The following ITPR2 variants were observed in gnomAD, a reference collection of about 807,000 sequenced individuals.
ITPR2 encodes the protein inositol 1,4,5-trisphosphate receptor type 2, also known as inositol 1,4,5-trisphosphate-gated calcium channel ITPR2.
In ITPR2, 207 loss-of-function variants were observed where a neutral mutation model predicts 317.1. The observed-to-expected ratio is 0.65, with a 90% CI of 0.58 to 0.73. ITPR2 has a LOEUF of 0.73. Ranked by LOEUF, ITPR2 falls within the 30% of genes least tolerant of loss-of-function variation. The probability of loss-of-function intolerance (pLI) is 0.00; values close to 1 mark genes in which losing one functional copy is unlikely to be tolerated. For synonymous variants in ITPR2, 1,156 were observed against 1,149.1 expected (o/e 1.01, Z -0.12); for missense variants, 2,613 against 3,284.0 (o/e 0.80, Z 4.99).
chr12:26,370,979 G>A (rs1245347264), intron 55 of ITPR2, among the ~76,000 whole-genome samples: 5 of 152,138 alleles, frequency 3.3e-5, no homozygotes, highest in Non-Finnish European at 7.4e-5. Context: ...GGCCAAACAC[G>A]AGTCTTATGT....
chr12:26,800,629 G>C (rs1950540517), intron 1 of ITPR2, among the ~76,000 whole-genome samples: 1 of 152,086 alleles, frequency 6.6e-6, no homozygotes, highest in Admixed American at 6.5e-5. Context: ...ATTTAGTAAA[G>C]AATTCCTAGG....
chr12:26,401,053 A>G (rs1796025432), intron 52 of ITPR2, among the ~76,000 whole-genome samples: 1 of 144,036 alleles, frequency 6.9e-6, no homozygotes, highest in African/African-American at 2.5e-5. Flanking sequence ...AACATGGAGA[A>G]ACCCTATCTC....
intron 55 of ITPR2, among the ~76,000 whole-genome samples, chr12:26,386,167 A>T (rs1939658825): frequency 6.6e-6 from 1 of 152,196 alleles, no homozygotes; most frequent in Non-Finnish European, 1.5e-5. Context: ...CACAAGTGAG[A>T]TCAAGAAAGT....
At chr12:26,406,865 T>C (rs1297217872) in intron 52 of ITPR2, among the ~76,000 whole-genome samples, 1 of 152,190 alleles carries the variant, frequency 6.6e-6, no homozygotes, top group East Asian at 1.9e-4. Context: ...ATTTTATCAC[T>C]TACAATGTCA....
intron 2 of ITPR2, among the ~76,000 whole-genome samples, chr12:26,786,742 C>T (rs137882020): frequency 1.2e-3 from 184 of 152,300 alleles, no homozygotes; most frequent in African/African-American, 4.0e-3. Context: ...TTTTAATTGC[C>T]TACCCGCTCT....
intron 1 of ITPR2, among the ~76,000 whole-genome samples, chr12:26,801,487 T>C (rs1270475785): frequency 1.3e-5 from 2 of 152,214 alleles, no homozygotes; most frequent in Admixed American, 1.3e-4. Context: ...ACCAAGATGC[T>C]GACCATACCA....
At chr12:26,622,140 C>T (rs1428160749) in intron 25 of ITPR2, 100 bp downstream of exon 25, 2 of 1,032,822 alleles carry the variant, frequency 1.9e-6, no homozygotes, top group Non-Finnish European at 2.7e-6. Flanking sequence ...CAGGAAAAGC[C>T]ACACAGTGTC....
At chr12:26,487,427 ATAGT>A (rs1436530045) in intron 39 of ITPR2, among the ~76,000 whole-genome samples, 176 bp from the exon 40 acceptor site, 2 of 152,332 alleles carry the variant, frequency 1.3e-5, no homozygotes, top group African/African-American at 4.8e-5. Flanking sequence ...TGTACTAATA[ATAGT>A]TGGTATTTAC....
At chr12:26,498,362 G>A (rs561015482) in intron 37 of ITPR2, among the ~76,000 whole-genome samples, 1 of 152,254 alleles carries the variant, frequency 6.6e-6, no homozygotes, top group South Asian at 2.1e-4. Context: ...TTAAGAGAAA[G>A]TCCTTTGAGT....
At chr12:26,651,445 T>C (rs1441781108) in intron 21 of ITPR2, among the ~76,000 whole-genome samples, 1 of 152,242 alleles carries the variant, frequency 6.6e-6, no homozygotes, top group Admixed American at 6.5e-5. Flanking sequence ...TTATTCTATT[T>C]CTTTCCTAAG....
rs201061481 is a variant in ITPR2, at chr12:26,818,698, C to CT, written c.92+13991dup. Among the ~76,000 whole-genome samples the CT allele has an allele frequency of 5.9e-3, 866 of 146,148 alleles. 5 individuals carry two copies. Among genetic ancestry groups the CT allele is most frequent in the African/African-American group, 0.018 (719 of 40,116 alleles). On this transcript the variant is annotated intron_variant, in intron 1 of 56. Coordinates refer to ENST00000381340, the MANE Select transcript of ITPR2 (RefSeq NM_002223.4). ...TAGGACTCTGAGTACAACAAAATTC[C>CT]TTTTTTTTTTTACCTTCCCTACTAA... is the stretch of plus-strand genomic sequence containing the variant.
chr12:26,804,907 G>C (rs1176164312), intron 1 of ITPR2, among the ~76,000 whole-genome samples: 3 of 151,872 alleles, frequency 2.0e-5, no homozygotes, highest in Non-Finnish European at 4.4e-5. Context: ...GCTAATTTTT[G>C]TATTTTTAGT....
At chr12:26,785,480 C>A (rs1419914757) in intron 2 of ITPR2, among the ~76,000 whole-genome samples, 3 of 65,916 alleles carry the variant, frequency 4.6e-5, no homozygotes, top group East Asian at 3.8e-4. Context: ...AGGTGAGGGG[C>A]GCCTCTGCCC....
chr12:26,798,589 T>C (rs1950498026), intron 1 of ITPR2, among the ~76,000 whole-genome samples: 1 of 152,244 alleles, frequency 6.6e-6, no homozygotes, highest in Admixed American at 6.5e-5. Flanking sequence ...TTTAGTAATA[T>C]GCACATTTTT....
At chr12:26,367,868 A>G (rs768176409) in intron 55 of ITPR2, among the ~76,000 whole-genome samples, 2 of 152,194 alleles carry the variant, frequency 1.3e-5, no homozygotes, top group Non-Finnish European at 2.9e-5. Flanking sequence ...ACAAATTTCT[A>G]GTCCTTCTTA....
intron 10 of ITPR2, among the ~76,000 whole-genome samples, chr12:26,693,998 G>T (rs1948287260): frequency 6.6e-6 from 1 of 151,840 alleles, no homozygotes; most frequent in Non-Finnish European, 1.5e-5. Context: ...GGCCACACAA[G>T]TTAATGGTGG....
intron 9 of ITPR2, 87 bp downstream of exon 9, chr12:26,711,086 C>A: frequency 1.2e-6 from 1 of 806,288 alleles, no homozygotes; most frequent in Non-Finnish European, 2.1e-6. Context: ...ACTGTTCCTG[C>A]AAATACGATG....
intron 34 of ITPR2, among the ~76,000 whole-genome samples, chr12:26,571,932 G>C (rs1432904637): frequency 1.3e-5 from 2 of 152,178 alleles, no homozygotes; most frequent in Non-Finnish European, 2.9e-5. Context: ...TACTGTACTT[G>C]AGAGCAATTT....
intron 26 of ITPR2, among the ~76,000 whole-genome samples, chr12:26,604,275 G>A (rs1946070499): frequency 6.6e-6 from 1 of 152,104 alleles, no homozygotes; most frequent in Non-Finnish European, 1.5e-5. Context: ...GGCAAATATT[G>A]TCCTGAGGCT....
Sources: gnomAD v4.1 joint callset for allele counts (sites outside exome capture counted in the v4.1 genomes callset) on GRCh38, gnomAD v4.1.1 for gene constraint, MANE v1.5 for transcripts, NCBI Gene and HGNC (gene_info 2026-07-23, HGNC 2026-07-21) for gene names.